The following RSPO2 variants were observed in gnomAD, a reference collection of about 807,000 sequenced individuals.
The protein encoded by RSPO2 is R-spondin-2.
A neutral mutation model predicts 30.9 loss-of-function variants in RSPO2; 14 were observed. The ratio of observed to expected loss-of-function variants is 0.45; its 90% CI spans 0.30 to 0.71. RSPO2 has a LOEUF of 0.71. RSPO2 is among the 30% of genes least tolerant of loss of function. The pLI, the probability that RSPO2 is intolerant of heterozygous loss-of-function variation, is 0.08. For synonymous variants in RSPO2, 107 were observed against 96.4 expected (o/e 1.11, Z -0.64); for missense variants, 264 against 301.9 (o/e 0.87, Z 0.93).
At position 107,956,528 on chromosome 8, in the gene RSPO2, G is replaced by C. The variant is rs186637461; in HGVS notation, c.616+1552C>G. On this transcript the variant is annotated intron_variant, in intron 5 of 5. Coordinates refer to ENST00000276659, the MANE Select transcript of RSPO2 (RefSeq NM_178565.5). ...AAAATACAAATGCAATAAATATTAT[G>C]GTTAACAATCTAGCTGTAATCTAGA... is the stretch of plus-strand genomic sequence containing the variant. 2.9e-4 allele frequency among the ~76,000 whole-genome samples: 44 copies of C among 152,272 alleles called. 1 individual carries two copies. The East Asian group carries it at 8.3e-3, about 29-fold the overall frequency.
rs181413278 is a variant in RSPO2, at chr8:107,908,396, A to G, written c.617-7206T>C. On this transcript the variant is annotated intron_variant, in intron 5 of 5. Transcript: ENST00000276659. ...ACAAACAAGAAGAGATAGTTTTAAAACTATCTAAAATTATTTTCATAAATA... is the reference window on the plus strand; with the variant it reads ...ACAAACAAGAAGAGATAGTTTTAAAGCTATCTAAAATTATTTTCATAAATA... 1.7e-3 allele frequency among the ~76,000 whole-genome samples: 255 copies of G among 152,296 alleles called. 2 individuals are homozygous for G. The highest frequency in any genetic ancestry group is 5.4e-3 in the African/African-American group (225 of 41,574).
chr8:107,984,652 G>A (rs965977593), intron 3 of RSPO2, among the ~76,000 whole-genome samples: 10 of 152,162 alleles, frequency 6.6e-5, no homozygotes, highest in African/African-American at 2.4e-4. Context: ...ATTGTATAAT[G>A]CATCATTTGA....
intron 3 of RSPO2, chr8:107,983,195 A>G: frequency 1.3e-6 from 2 of 1,565,574 alleles, no homozygotes; most frequent in Non-Finnish European, 1.7e-6. Context: ...GTAGGCAAAT[A>G]CGAAGAGGCT....
chr8:107,929,661 A>G (rs553058799), intron 5 of RSPO2, among the ~76,000 whole-genome samples: 1 of 152,260 alleles, frequency 6.6e-6, no homozygotes, highest in African/African-American at 2.4e-5. Flanking sequence ...TTGCTGAAGG[A>G]TACTTTAAAA....
chr8:107,979,765 T>C (rs184344104), intron 3 of RSPO2, among the ~76,000 whole-genome samples: 234 of 152,190 alleles, frequency 1.5e-3, no homozygotes, highest in African/African-American at 5.5e-3. Flanking sequence ...GCTGGTTCTA[T>C]CTTCTAATCT....
chr8:108,054,675 G>C (rs1240748283), intron 2 of RSPO2, among the ~76,000 whole-genome samples: 1 of 152,234 alleles, frequency 6.6e-6, no homozygotes, highest in East Asian at 1.9e-4. Context: ...AGCAGAGCTA[G>C]ATGTAGGGCA....
At chr8:107,919,547 C>T (rs181365696) in intron 5 of RSPO2, among the ~76,000 whole-genome samples, 41 of 152,254 alleles carry the variant, frequency 2.7e-4, no homozygotes, top group African/African-American at 9.9e-4. Context: ...CTGTAACCTG[C>T]TCCTAAGATC....
chr8:108,040,309 T>A (rs1811714796), intron 2 of RSPO2, among the ~76,000 whole-genome samples: 1 of 152,140 alleles, frequency 6.6e-6, no homozygotes, highest in Non-Finnish European at 1.5e-5. Flanking sequence ...AAATCCCTTT[T>A]TTAATCCATG....
intron 3 of RSPO2, among the ~76,000 whole-genome samples, chr8:107,967,342 A>G (rs898419631): frequency 1.3e-5 from 2 of 152,212 alleles, no homozygotes; most frequent in South Asian, 2.1e-4. Context: ...AAAACTTGCA[A>G]TGGGGTTATA....
intron 5 of RSPO2, among the ~76,000 whole-genome samples, chr8:107,952,335 A>T (rs564885197): frequency 6.6e-6 from 1 of 151,920 alleles, no homozygotes; most frequent in Admixed American, 6.6e-5. Flanking sequence ...ATTAGCTTCC[A>T]TGTAGCCGGA....
chr8:108,011,148 A>AAAG (rs559265290), intron 2 of RSPO2, among the ~76,000 whole-genome samples: 18,314 of 137,804 alleles, frequency 0.13, 1,662 homozygotes, highest in Middle Eastern at 0.22. Flanking sequence ...AAAAAAAAAA[A>AAAG]AAAGAAAGAA....
At chr8:108,072,412 G>A (rs976994544) in intron 2 of RSPO2, among the ~76,000 whole-genome samples, 7 of 133,490 alleles carry the variant, frequency 5.2e-5, no homozygotes, top group Admixed American at 8.6e-5. Flanking sequence ...TGCAAACTCC[G>A]CCTCCCGGGT....
chr8:108,058,605 A>C (rs1455566793), intron 2 of RSPO2, among the ~76,000 whole-genome samples: 11 of 152,138 alleles, frequency 7.2e-5, no homozygotes, highest in Admixed American at 7.2e-4. Context: ...CCATACTACA[A>C]GGCTACAGTA....
intron 2 of RSPO2, among the ~76,000 whole-genome samples, chr8:108,021,909 T>A (rs2130613190): frequency 6.6e-6 from 1 of 152,230 alleles, no homozygotes; most frequent in South Asian, 2.1e-4. Context: ...AACGTACACA[T>A]TCTGCCCATG....
At chr8:107,939,298 T>C (rs1034427620) in intron 5 of RSPO2, among the ~76,000 whole-genome samples, 2 of 151,966 alleles carry the variant, frequency 1.3e-5, no homozygotes, top group African/African-American at 4.8e-5. Context: ...TTTTAAACAA[T>C]TGTGAAGTGT....
intron 5 of RSPO2, among the ~76,000 whole-genome samples, chr8:107,949,145 G>A (rs1468933112): frequency 5.9e-5 from 9 of 152,016 alleles, no homozygotes. Context: ...TCAATGTGTA[G>A]TCTTTTATCC....
At chr8:107,972,998 C>T (rs938630526) in intron 3 of RSPO2, among the ~76,000 whole-genome samples, 1 of 152,138 alleles carries the variant, frequency 6.6e-6, no homozygotes, top group Non-Finnish European at 1.5e-5. Context: ...CGGCCGAGTG[C>T]GGTGGCTCAC....
chr8:108,005,897 CTA>C (rs1815438020), intron 2 of RSPO2, among the ~76,000 whole-genome samples: 1 of 152,100 alleles, frequency 6.6e-6, no homozygotes, highest in Admixed American at 6.5e-5. Flanking sequence ...AAAAAGTTTA[CTA>C]TGTCTGATAC....
At chr8:107,974,382 C>T (rs1023018512) in intron 3 of RSPO2, among the ~76,000 whole-genome samples, 15 of 151,650 alleles carry the variant, frequency 9.9e-5, no homozygotes, top group Middle Eastern at 3.4e-3. Context: ...CATGGTGGCA[C>T]GCACCTGTAG....
Sources: gnomAD v4.1 joint callset for allele counts (sites outside exome capture counted in the v4.1 genomes callset) on GRCh38, gnomAD v4.1.1 for gene constraint, MANE v1.5 for transcripts, NCBI Gene and HGNC (gene_info 2026-07-23, HGNC 2026-07-21) for gene names.